Variants in CELF2 observed in about 807,000 individuals in gnomAD.
CELF2 encodes the protein CUG triplet repeat RNA-binding protein 2.
CELF2 carries 8 observed loss-of-function variants against 62.6 expected under a neutral mutation model. That is an observed-to-expected ratio of 0.13 (90% CI 0.07 to 0.23). The LOEUF is 0.23. Among genes scored for constraint, CELF2 ranks in the 10% least tolerant of loss-of-function variants. The pLI is 1.00. For synonymous variants in CELF2, 258 were observed against 250.0 expected (o/e 1.03, Z -0.30); for missense variants, 333 against 671.0 (o/e 0.50, Z 5.56).
chr10:10,703,496 A>C, the CELF2 span, among the ~76,000 whole-genome samples: 3 of 152,248 alleles, frequency 2.0e-5, no homozygotes, highest in Admixed American at 6.5e-5. Flanking sequence ...AGGATACAGA[A>C]TATGATACTG....
chr10:10,812,425 C>G (rs1460709437), intron 1 of CELF2, among the ~76,000 whole-genome samples: 1 of 152,138 alleles, frequency 6.6e-6, no homozygotes, highest in Non-Finnish European at 1.5e-5. Flanking sequence ...GGGACACAGC[C>G]AAACCATATC....
At chr10:10,664,113 A>C in the CELF2 span, among the ~76,000 whole-genome samples, 1 of 152,348 alleles carries the variant, frequency 6.6e-6, no homozygotes, top group East Asian at 1.9e-4. Context: ...TAGGTAGGCA[A>C]AAACACAAAA....
chr10:11,138,471 C>G (rs537378321), intron 1 of CELF2, among the ~76,000 whole-genome samples: 1 of 152,266 alleles, frequency 6.6e-6, no homozygotes, highest in South Asian at 2.1e-4. Flanking sequence ...TGTCCTGGGT[C>G]TCTTCCTTGA....
chr10:10,492,462 A>AATAAAT, the CELF2 span, among the ~76,000 whole-genome samples: 1 of 151,858 alleles, frequency 6.6e-6, no homozygotes, highest in Admixed American at 6.6e-5. Flanking sequence ...AAGTATAATA[A>AATAAAT]ATATATATAT....
At chr10:11,068,466 T>C (rs2068746886) in intron 1 of CELF2, among the ~76,000 whole-genome samples, 1 of 152,218 alleles carries the variant, frequency 6.6e-6, no homozygotes, top group South Asian at 2.1e-4. Flanking sequence ...GTTTCTTTTA[T>C]GAGATGCCTT....
At chr10:11,072,682 A>G (rs753539994) in intron 1 of CELF2, among the ~76,000 whole-genome samples, 16 of 152,220 alleles carry the variant, frequency 1.1e-4, no homozygotes, top group Non-Finnish European at 2.2e-4. Flanking sequence ...CCATAGGAGC[A>G]CAAGAGTATC....
At chr10:10,615,239 C>A in the CELF2 span, among the ~76,000 whole-genome samples, 1 of 152,036 alleles carries the variant, frequency 6.6e-6, no homozygotes, top group Non-Finnish European at 1.5e-5. Context: ...TTGTGGGTCC[C>A]GTATTTGCCA....
chr10:10,546,277 C>G, the CELF2 span, among the ~76,000 whole-genome samples: 1 of 152,152 alleles, frequency 6.6e-6, no homozygotes, highest in African/African-American at 2.4e-5. Flanking sequence ...ACCAAATCAT[C>G]TCTGTGTTGT....
intron 7 of CELF2, among the ~76,000 whole-genome samples, chr10:11,273,172 C>T (rs927798958): frequency 5.3e-5 from 8 of 152,012 alleles, no homozygotes; most frequent in African/African-American, 1.9e-4. Flanking sequence ...ATAATACCGT[C>T]GTACCTGAGG....
the CELF2 span, among the ~76,000 whole-genome samples, chr10:10,609,867 G>A: frequency 6.6e-6 from 1 of 152,198 alleles, no homozygotes; most frequent in African/African-American, 2.4e-5. Context: ...TCACAGATAT[G>A]CTTGGAAGAG....
chr10:11,304,606 C>G (rs1015370762), intron 9 of CELF2, among the ~76,000 whole-genome samples: 1 of 152,186 alleles, frequency 6.6e-6, no homozygotes, highest in Non-Finnish European at 1.5e-5. Flanking sequence ...GACGCTCTTC[C>G]TCTACGTATA....
the CELF2 span, among the ~76,000 whole-genome samples, chr10:10,520,718 A>G: frequency 2.6e-5 from 4 of 152,174 alleles, no homozygotes; most frequent in African/African-American, 9.7e-5. Context: ...CAAATACATT[A>G]GGAACAAGAC....
At chr10:11,013,380 G>A (rs1235112984), upstream of CELF2, among the ~76,000 whole-genome samples, 1 of 152,224 alleles carries the variant, frequency 6.6e-6, no homozygotes, top group Admixed American at 6.5e-5. The surrounding 1 kb of genome is among the most constrained non-coding windows in gnomAD (Gnocchi z 4.1). Context: ...GGCTCTGGGT[G>A]TGAGAGATCC....
chr10:11,309,129 C>T lies in CELF2; in HGVS notation c.977-5010C>T, dbSNP rs149489307. The stretch of plus-strand genomic sequence containing the variant: ...CAAGTCTAACATCTGGGCCCTCTTA[C>T]GCACAGTTTCTGTTGTCTGCTGTCT... On this transcript the variant is annotated intron_variant, in intron 9 of 12. Transcript: ENST00000633077. The surrounding 1 kb of genome is among the most constrained non-coding windows in gnomAD (Gnocchi z 5.6). Among the ~76,000 whole-genome samples the T allele has an allele frequency of 1.4e-3, 210 of 152,316 alleles. No homozygotes were observed. Among genetic ancestry groups the T allele is most frequent in the African/African-American group, 4.3e-3 (180 of 41,570 alleles).
chr10:11,005,413 C>T lies in CELF2; in HGVS notation c.26C>T (p.Thr9Ile), dbSNP rs2055064284. The change falls in exon 1 of 13, where the codon ACT (threonine) becomes ATT (isoleucine). Residue 9 changes from threonine to isoleucine, a missense_variant. Physicochemically the swap from Thr to Ile is moderately conservative, Grantham distance 89 (BLOSUM62 -1). Transcript: ENST00000416382. This position sits in a 1 kb window ranked among gnomAD's most constrained non-coding sequence, Gnocchi z 4.3. ...ATGCGCTGTCCCAAATCCGCTGTTA[C>T]TATGAGAAATGAAGAGCTGCTTTTA... 1 of 1,613,898 alleles carries T rather than the reference C, an allele frequency of 6.2e-7. No individual in the cohort carries two copies. The highest frequency in any genetic ancestry group is 1.1e-5 in the South Asian group (1 of 91,082).
intron 9 of CELF2, among the ~76,000 whole-genome samples, chr10:11,303,304 C>G (rs1484794685): frequency 6.6e-6 from 1 of 152,162 alleles, no homozygotes; most frequent in Non-Finnish European, 1.5e-5. Flanking sequence ...GTCTGGTCAC[C>G]CTTCTCGGGA....
the CELF2 span, among the ~76,000 whole-genome samples, chr10:10,793,125 GC>G: frequency 1.3e-5 from 2 of 152,106 alleles, no homozygotes; most frequent in Admixed American, 1.3e-4. Flanking sequence ...CTCTTTAGAG[GC>G]CCTTCAGAAT....
chr10:10,903,536 A>C (rs2063101201), intron 1 of CELF2, among the ~76,000 whole-genome samples: 1 of 152,254 alleles, frequency 6.6e-6, no homozygotes, highest in Non-Finnish European at 1.5e-5. Flanking sequence ...GGCCACTTTA[A>C]GTAAGAAAGC....
At chr10:11,187,988 G>A (rs1039381353) in intron 2 of CELF2, among the ~76,000 whole-genome samples, 2 of 152,068 alleles carry the variant, frequency 1.3e-5, no homozygotes, top group Admixed American at 6.5e-5. Flanking sequence ...CCTTCTGCCT[G>A]AAGGACTTCT....
Sources: gnomAD v4.1 joint callset for allele counts (sites outside exome capture counted in the v4.1 genomes callset) on GRCh38, gnomAD v4.1.1 for gene constraint, Gnocchi (gnomAD v3.1) non-coding constraint, MANE v1.5 for transcripts, NCBI Gene and HGNC (gene_info 2026-07-23, HGNC 2026-07-21) for gene names.